Variants in DLGAP2 observed in about 807,000 individuals in gnomAD.
DLGAP2 encodes DLG associated protein 2, also known as disks large-associated protein 2.
In DLGAP2, 26 loss-of-function variants were observed where a neutral mutation model predicts 100.3. The observed-to-expected ratio is 0.26, with a 90% CI of 0.19 to 0.36. The LOEUF (loss-of-function observed/expected upper bound fraction) is 0.36. Among genes scored for constraint, DLGAP2 ranks in the 10% least tolerant of loss-of-function variants. The probability of loss-of-function intolerance (pLI) is 1.00; values close to 1 mark genes in which losing one functional copy is unlikely to be tolerated. For synonymous variants in DLGAP2, 886 were observed against 630.1 expected, an observed-to-expected ratio of 1.41 and a Z score of -6.08; for missense variants, 1,858 against 1,453.2, an observed-to-expected ratio of 1.28 and a Z score of -4.53.
intron 3 of DLGAP2, among the ~76,000 whole-genome samples, chr8:1,317,255 G>C (rs1800778203): frequency 7.0e-6 from 1 of 142,044 alleles, no homozygotes; most frequent in Non-Finnish European, 1.5e-5. Flanking sequence ...GCGTGTGCGA[G>C]TGCAGCGTCT....
At chr8:1,288,821 G>A (rs963118232) in intron 3 of DLGAP2, among the ~76,000 whole-genome samples, 1 of 151,908 alleles carries the variant, frequency 6.6e-6, no homozygotes, top group Non-Finnish European at 1.5e-5. Flanking sequence ...TCGGTTCAGT[G>A]TGTGTGTGTA....
intron 2 of DLGAP2, among the ~76,000 whole-genome samples, chr8:1,163,967 C>G (rs1796943199): frequency 6.6e-6 from 1 of 152,188 alleles, no homozygotes; most frequent in East Asian, 1.9e-4. Flanking sequence ...GCCAGGCCTC[C>G]TAGACGAGAG....
chr8:1,381,693 C>T (rs1012249129), intron 3 of DLGAP2, among the ~76,000 whole-genome samples: 3 of 151,992 alleles, frequency 2.0e-5, no homozygotes, highest in African/African-American at 7.3e-5. Context: ...CTGTGCCTGG[C>T]CTATTTCACT....
chr8:999,219 G>A (rs1272583852), intron 2 of DLGAP2, among the ~76,000 whole-genome samples: 2 of 151,676 alleles, frequency 1.3e-5, no homozygotes, highest in African/African-American at 2.4e-5. Flanking sequence ...CTCCCGTGTC[G>A]GTGGAGCTGT....
intron 14 of DLGAP2, 70 bp from the exon 15 acceptor site, chr8:1,701,118 C>G (rs1002887568): frequency 7.0e-7 from 1 of 1,436,798 alleles, no homozygotes; most frequent in African/African-American, 1.4e-5. Context: ...GGCCCCAGGG[C>G]CGCTGAGCTC....
intron 3 of DLGAP2, among the ~76,000 whole-genome samples, chr8:1,266,989 G>T (rs1799466249): frequency 6.6e-6 from 1 of 152,044 alleles, no homozygotes; most frequent in East Asian, 1.9e-4. Context: ...AGCACATTGG[G>T]AGGTCTAGGT....
intron 1 of DLGAP2, among the ~76,000 whole-genome samples, chr8:783,253 A>G (rs1004711367): frequency 3.3e-5 from 5 of 152,206 alleles, no homozygotes; most frequent in Admixed American, 6.5e-5. Context: ...CAGAAATACT[A>G]CAGAGAATGG....
intron 2 of DLGAP2, among the ~76,000 whole-genome samples, chr8:984,176 A>C (rs1022903664): frequency 6.6e-6 from 1 of 152,122 alleles, no homozygotes; most frequent in East Asian, 1.9e-4. Context: ...TTGAATTGAG[A>C]CTTAAACGTC....
intron 8 of DLGAP2, among the ~76,000 whole-genome samples, chr8:1,664,260 A>C (rs1000767413): frequency 2.0e-5 from 3 of 152,024 alleles, no homozygotes; most frequent in East Asian, 1.9e-4. Flanking sequence ...GGCCACGTCT[A>C]CTAGCCCTTC....
intron 1 of DLGAP2, among the ~76,000 whole-genome samples, chr8:742,785 G>A (rs1820518636): frequency 6.6e-6 from 1 of 152,136 alleles, no homozygotes; most frequent in South Asian, 2.1e-4. Context: ...TGGGATTACA[G>A]GAGTGAGTCA....
intron 2 of DLGAP2, among the ~76,000 whole-genome samples, chr8:929,788 A>C (rs1354733581): frequency 6.7e-6 from 1 of 150,290 alleles, no homozygotes; most frequent in African/African-American, 2.5e-5. Context: ...TATACTTAGA[A>C]GGAAATATTG....
At chr8:919,645 C>T (rs189814193) in intron 2 of DLGAP2, among the ~76,000 whole-genome samples, 4 of 152,300 alleles carry the variant, frequency 2.6e-5, no homozygotes, top group African/African-American at 4.8e-5. Flanking sequence ...GCCCGGGATC[C>T]GTCCGGCCGA....
chr8:1,632,726 G>A (rs2130780918), intron 7 of DLGAP2, 101 bp from the exon 8 acceptor site: 2 of 1,218,796 alleles, frequency 1.6e-6, no homozygotes, highest in Non-Finnish European at 2.3e-6. Flanking sequence ...CTATGAGGCA[G>A]TGAAAGGCAG....
intron 8 of DLGAP2, among the ~76,000 whole-genome samples, chr8:1,639,964 C>T (rs966894487): frequency 5.3e-5 from 8 of 152,200 alleles, no homozygotes. Context: ...TCTGCAAAGT[C>T]CCTTTTGCCA....
At chr8:1,278,748 A>T (rs1799757603) in intron 3 of DLGAP2, among the ~76,000 whole-genome samples, 1 of 152,238 alleles carries the variant, frequency 6.6e-6, no homozygotes, top group Non-Finnish European at 1.5e-5. Context: ...AATGAATTAC[A>T]TAATGAAGAT....
intron 2 of DLGAP2, among the ~76,000 whole-genome samples, chr8:995,540 C>G (rs1800760612): frequency 6.6e-6 from 1 of 152,116 alleles, no homozygotes; most frequent in Non-Finnish European, 1.5e-5. Flanking sequence ...TAACCATAGC[C>G]CTTCCAAATA....
At chr8:1,009,472 G>A (rs1801214246) in intron 2 of DLGAP2, among the ~76,000 whole-genome samples, 2 of 152,158 alleles carry the variant, frequency 1.3e-5, no homozygotes, top group Non-Finnish European at 2.9e-5. Context: ...TTTTGGTATT[G>A]CTTCTGACAT....
intron 3 of DLGAP2, among the ~76,000 whole-genome samples, chr8:1,437,413 G>A (rs1008882147): frequency 6.6e-6 from 1 of 152,228 alleles, no homozygotes; most frequent in African/African-American, 2.4e-5. Flanking sequence ...CTTATTACTT[G>A]TAATGATGGA....
chr8:854,423 G>A (rs1212687597), intron 1 of DLGAP2, among the ~76,000 whole-genome samples: 20 of 152,152 alleles, frequency 1.3e-4, no homozygotes, highest in Non-Finnish European at 8.8e-5. Context: ...CTCACAGGCT[G>A]GAGGCTGCAG....
Sources: allele counts gnomAD v4.1 joint callset (sites outside exome capture counted in the v4.1 genomes callset), GRCh38; gene constraint gnomAD v4.1.1; transcripts MANE v1.5; gene names NCBI Gene and HGNC (gene_info 2026-07-23, HGNC 2026-07-21).